ZSWIM5: variants seen among roughly 807,000 people sequenced by gnomAD.
ZSWIM5 encodes zinc finger SWIM domain-containing protein 5.
In ZSWIM5, 55 loss-of-function variants were observed where a neutral mutation model predicts 119.6. That is an observed-to-expected ratio of 0.46 (90% CI 0.37 to 0.58). The LOEUF (loss-of-function observed/expected upper bound fraction) is 0.58. Ranked by LOEUF, ZSWIM5 falls within the 20% of genes least tolerant of loss-of-function variation. The pLI is 0.00. For missense variants in ZSWIM5, 1,193 were observed against 1,512.8 expected (o/e 0.79, Z 3.51); for synonymous variants, 537 against 606.9 (o/e 0.88, Z 1.69).
chr1:45,078,688 G>A (rs1645270063), intron 2 of ZSWIM5, among the ~76,000 whole-genome samples: 1 of 152,164 alleles, frequency 6.6e-6, no homozygotes, highest in Non-Finnish European at 1.5e-5. Context: ...TACCATCTGT[G>A]TTCACTCAAG....
rs202160022 is a variant in ZSWIM5 at position 45,180,684 on chromosome 1, C to A, written c.595+25072G>T. On this transcript the variant is annotated intron_variant, in intron 1 of 13. Transcript: ENST00000359600. ...AGCAGCCTAACTGGGAGGCACCCCC[C>A]AGTAGGGGCAGACTGACACCTCACA... is the stretch of plus-strand genomic sequence containing the variant. Among the ~76,000 whole-genome samples, 7 of 152,262 alleles carry A rather than the reference C, an allele frequency of 4.6e-5. No individual in the cohort carries two copies. The South Asian group carries it at 8.3e-4, about 18-fold the overall frequency.
chr1:45,081,276 T>TC (rs1553192663), intron 2 of ZSWIM5, among the ~76,000 whole-genome samples: 1 of 149,720 alleles, frequency 6.7e-6, no homozygotes, highest in Non-Finnish European at 1.5e-5. Context: ...CCTCTCCCTC[T>TC]CCCCATGGTC....
chr1:45,049,406 G>GT (rs893875246), intron 5 of ZSWIM5, among the ~76,000 whole-genome samples: 2 of 152,168 alleles, frequency 1.3e-5, no homozygotes, highest in Non-Finnish European at 2.9e-5. Context: ...TGTGAGAGAG[G>GT]TATCAATCAC....
chr1:45,189,491 C>T (rs1277421209), intron 1 of ZSWIM5, among the ~76,000 whole-genome samples: 1 of 152,128 alleles, frequency 6.6e-6, no homozygotes, highest in Non-Finnish European at 1.5e-5. Flanking sequence ...GCTGGTGACT[C>T]ACACCTGCAA....
intron 1 of ZSWIM5, among the ~76,000 whole-genome samples, chr1:45,197,437 T>C (rs1287200720): frequency 2.6e-5 from 4 of 152,230 alleles, no homozygotes; most frequent in African/African-American, 9.6e-5. Context: ...TTTAGCATAA[T>C]ACTTTTGAGA....
intron 1 of ZSWIM5, among the ~76,000 whole-genome samples, chr1:45,094,009 T>A (rs922814998): frequency 1.4e-5 from 2 of 146,220 alleles, no homozygotes; most frequent in Middle Eastern, 7.0e-3. Context: ...TATGCCTGGC[T>A]AATTTTTATT....
intron 1 of ZSWIM5, among the ~76,000 whole-genome samples, chr1:45,126,410 A>G (rs2149029125): frequency 6.6e-6 from 1 of 152,286 alleles, no homozygotes; most frequent in South Asian, 2.1e-4. Flanking sequence ...AACTCTACGC[A>G]CACACATTTA....
chr1:45,147,771 C>T (rs1208297650), intron 1 of ZSWIM5, among the ~76,000 whole-genome samples: 2 of 152,094 alleles, frequency 1.3e-5, no homozygotes, highest in African/African-American at 4.8e-5. Context: ...CCAAACCCCA[C>T]AAAAGCCCTT....
At position 45,018,902 on chromosome 1, in the gene ZSWIM5, G is replaced by A. The variant is rs1284313463; in HGVS notation, c.3110C>T (p.Pro1037Leu). 6.2e-7 allele frequency: 1 copy of A among 1,614,128 alleles called. No homozygotes were observed. The change falls in exon 14 of 14, where the codon CCA becomes CTA. Residue 1037 changes from proline to leucine, a missense_variant. Around this residue, in one of 2 missense-constraint regions of ZSWIM5, gnomAD observed 961 missense variants for 1,290.0 expected, o/e 0.74. Transcript: ENST00000359600. The surrounding 1 kb of genome is among the most constrained non-coding windows in gnomAD (Gnocchi z 6.7). ...AGCCCAGAGCACATCATTGATGGCT[G>A]GGTGAGTATCCTGGTTGTAGGCCAG... ...LNLAYNQDTH[P>L]AINDVLWACA...
intron 1 of ZSWIM5, among the ~76,000 whole-genome samples, chr1:45,100,413 T>C (rs578191666): frequency 3.3e-5 from 5 of 152,096 alleles, no homozygotes; most frequent in Admixed American, 6.5e-5. Flanking sequence ...CACAAACAAA[T>C]GGAAGAACAT....
Position 45,043,216 on chromosome 1 carries a change from TA to T in ZSWIM5, c.1609+2del, listed in dbSNP as rs1425173203. 6.2e-7 allele frequency: 1 copy of T among 1,613,054 alleles called. No individual in the cohort carries two copies. Among genetic ancestry groups the T allele is most frequent in the African/African-American group, 1.3e-5 (1 of 74,996 alleles). Reference sequence around the variant, plus strand: ...AAAGTTCTTAGAGGAGGGCTAGACTTACCAAGCCACAGTGGCTGGCCTTGGG... The same window carrying T: ...AAAGTTCTTAGAGGAGGGCTAGACTTCCAAGCCACAGTGGCTGGCCTTGGG... On this transcript the variant is annotated splice_donor_variant, in intron 6 of 13. Transcript: ENST00000359600. LOFTEE classifies it high-confidence loss of function.
chr1:45,073,632 G>C (rs899356352), intron 2 of ZSWIM5, among the ~76,000 whole-genome samples: 1 of 151,716 alleles, frequency 6.6e-6, no homozygotes, highest in African/African-American at 2.4e-5. Context: ...TAGTTTTTTG[G>C]TGGAGTCTTT....
At chr1:45,024,192 CT>C (rs59909524) in intron 11 of ZSWIM5, among the ~76,000 whole-genome samples, 103 of 129,490 alleles carry the variant, frequency 8.0e-4, no homozygotes, top group Middle Eastern at 8.6e-3. Context: ...CTTTTCTTTT[CT>C]TTTTTTTTTT....
At chr1:45,183,254 T>TA (rs1488438855) in intron 1 of ZSWIM5, among the ~76,000 whole-genome samples, 1 of 148,656 alleles carries the variant, frequency 6.7e-6, no homozygotes, top group Non-Finnish European at 1.5e-5. Flanking sequence ...AAGCAGTGTG[T>TA]AGAGGGAAAT....
At position 45,020,741 on chromosome 1, in the gene ZSWIM5, T is replaced by C. The variant is rs1181936339; in HGVS notation, c.2497A>G (p.Ile833Val). 1.2e-6 allele frequency: 2 copies of C among 1,614,156 alleles called. No individual in the cohort carries two copies. The highest frequency in any genetic ancestry group is 1.7e-6 in the Non-Finnish European group (2 of 1,180,014). ...TTGAAGATGAGGGAGGAAGAATGAATGTGCTTCTGTATTGCTTCCAGAATT... is the reference window on the plus strand; with the variant it reads ...TTGAAGATGAGGGAGGAAGAATGAACGTGCTTCTGTATTGCTTCCAGAATT... The part of the protein sequence containing the change: ...RTILEAIQKH[I>V]HSSSLIFKLA... The change falls in exon 12 of 14, where the codon ATT (isoleucine) becomes GTT (valine). Residue 833 changes from isoleucine (I) to valine (V), a missense_variant. By Grantham distance (29) the Ile-to-Val change is conservative. Coordinates refer to ENST00000359600, the MANE Select transcript of ZSWIM5 (RefSeq NM_020883.2).
intron 1 of ZSWIM5, among the ~76,000 whole-genome samples, chr1:45,175,131 T>C (rs1645971878): frequency 6.6e-6 from 1 of 152,138 alleles, no homozygotes; most frequent in Non-Finnish European, 1.5e-5. Context: ...TTCTGATACT[T>C]ACGAAGACTT....
intron 1 of ZSWIM5, among the ~76,000 whole-genome samples, chr1:45,122,351 A>G (rs1392334890): frequency 6.6e-6 from 1 of 152,266 alleles, no homozygotes; most frequent in Non-Finnish European, 1.5e-5. Flanking sequence ...CAAAACACTC[A>G]GACTAGTGCT....
rs60638552 is a variant in ZSWIM5, at chr1:45,135,123, GTT to G, written c.596-46888_596-46887del. 6.8e-3 allele frequency among the ~76,000 whole-genome samples: 917 copies of G among 135,150 alleles called. 10 individuals carry two copies. The highest frequency in any genetic ancestry group is 0.021 in the Admixed American group (287 of 13,518). 88.7% of individuals were successfully genotyped at this position (135,150 alleles called of 152,430 possible). A position where few individuals can be genotyped will look rare whatever the true frequency, so the allele number is the denominator to read the frequency against. ...GATTGCTAGATCATACGGTAATTCT[GTT>G]TTTTTTTTTTTTTGAGGAACCTTCA... On this transcript the variant is annotated intron_variant, in intron 1 of 13. Coordinates refer to ENST00000359600, the MANE Select transcript of ZSWIM5 (RefSeq NM_020883.2).
chr1:45,080,975 A>T (rs1645286266), intron 2 of ZSWIM5, among the ~76,000 whole-genome samples: 1 of 152,178 alleles, frequency 6.6e-6, no homozygotes, highest in African/African-American at 2.4e-5. Context: ...AGCAGAGCAA[A>T]GCTTGGATCT....
Sources: allele counts gnomAD v4.1 joint callset (sites outside exome capture counted in the v4.1 genomes callset), GRCh38; gene constraint gnomAD v4.1.1; regional missense constraint gnomAD v4.1.1; non-coding constraint Gnocchi (gnomAD v3.1); transcripts MANE v1.5; gene names NCBI Gene and HGNC (gene_info 2026-07-23, HGNC 2026-07-21).